The following GPR137 variants were observed in gnomAD, a reference collection of about 807,000 sequenced individuals.
GPR137 encodes G protein-coupled receptor 137.
In GPR137, 20 loss-of-function variants were observed where a neutral mutation model predicts 38.9. That is an observed-to-expected ratio of 0.51 (90% CI 0.36 to 0.75). The LOEUF is 0.75. Among genes scored for constraint, GPR137 ranks in the 30% least tolerant of loss-of-function variants. The pLI, the probability that GPR137 is intolerant of heterozygous loss-of-function variation, is 0.00. For missense variants in GPR137, 456 were observed against 526.4 expected (o/e 0.87, Z 1.31); for synonymous variants, 226 against 235.8 (o/e 0.96, Z 0.38).
chr11:64,280,188 C>A (rs376564586), upstream of GPR137, among the ~76,000 whole-genome samples: 103 of 150,342 alleles, frequency 6.9e-4, no homozygotes, highest in African/African-American at 2.5e-3. Flanking sequence ...GGCATGGTGG[C>A]GGGAGGCTGT....
At chr11:64,280,157 A>C (rs1185255767), upstream of GPR137, among the ~76,000 whole-genome samples, 2 of 150,646 alleles carry the variant, frequency 1.3e-5, no homozygotes, top group Non-Finnish European at 3.0e-5. Context: ...CTCTACTAAA[A>C]ACACACAAAA....
Position 64,288,979 on chromosome 11 carries a change from C to T in GPR137, c.1032-58C>T. The T allele has an allele frequency of 6.8e-7, 1 of 1,469,144 alleles. No homozygotes were observed. Among genetic ancestry groups the T allele is most frequent in the South Asian group, 1.4e-5 (1 of 72,956 alleles). The allele number at this position is 1,469,144 out of a possible 1,614,324, so 91.0% of individuals were successfully genotyped here. Reference sequence around the variant, plus strand: ...TTCTAAGCCTGTCTTCCTCCTGCAGCTCTTGTGACTGTGGCCCTGGTCACT... The same window carrying T: ...TTCTAAGCCTGTCTTCCTCCTGCAGTTCTTGTGACTGTGGCCCTGGTCACT... On this transcript the variant is annotated intron_variant, in intron 6 of 6. Coordinates refer to ENST00000438980, the MANE Select transcript of GPR137 (RefSeq NM_001170880.2). The surrounding 1 kb of genome is among the most constrained non-coding windows in gnomAD (Gnocchi z 5.5).
intron 2 of GPR137, among the ~76,000 whole-genome samples, chr11:64,276,579 G>T (rs1186622404): frequency 6.6e-6 from 1 of 152,134 alleles, no homozygotes; most frequent in Non-Finnish European, 1.5e-5. Context: ...CAAGTGCCTC[G>T]GCCCCCCAAA....
In GPR137 at chr11:64,286,717, C is replaced by G. The variant is rs1341595341; in HGVS notation, c.193C>G (p.Leu65Val). The stretch of plus-strand genomic sequence containing the variant: ...CAGCTATCAGACGGTGTTCCTGGCC[C>G]TCTGTCTGCTCTGGGCCGCCTTGCG... ...RLSYQTVFLA[L>V]CLLWAALRTT... is the part of the protein sequence containing the mutation. The change falls in exon 1 of 7, where the codon CTC becomes GTC. Residue 65 changes from leucine (L) to valine (V), a missense_variant. By Grantham distance (32) the Leu-to-Val change is conservative (BLOSUM62 1). Transcript: ENST00000438980. 5 of 1,613,674 alleles carry G rather than the reference C, an allele frequency of 3.1e-6. No individual in the cohort carries two copies. Among genetic ancestry groups the G allele is most frequent in the Non-Finnish European group, 4.2e-6 (5 of 1,179,818 alleles).
At chr11:64,287,082 C>T in intron 2 of GPR137, 68 bp downstream of exon 2, 2 of 1,565,524 alleles carry the variant, frequency 1.3e-6, no homozygotes, top group Non-Finnish European at 1.7e-6. Context: ...CATGTAGATC[C>T]CTTCCCACCT....
chr11:64,273,598 G>A (rs2032805189), upstream of GPR137, among the ~76,000 whole-genome samples: 2 of 149,904 alleles, frequency 1.3e-5, no homozygotes, highest in South Asian at 4.2e-4. Flanking sequence ...AGCAGGTGGG[G>A]GGCTGGGCGC....
rs139944159 is a variant in GPR137 at position 64,289,134 on chromosome 11, T to G, written c.1129T>G (p.Phe377Val). 3 of 1,613,686 alleles carry G rather than the reference T, an allele frequency of 1.9e-6. No individual in the cohort carries two copies. The highest frequency in any genetic ancestry group is 2.7e-5 in the African/African-American group (2 of 75,018). Reference sequence around the variant, plus strand: ...CCAGACGAAGACCACTCCTCTGCTCTTCTCCCAGGTGCCAGGACCAGGCGG... The same window carrying G: ...CCAGACGAAGACCACTCCTCTGCTCGTCTCCCAGGTGCCAGGACCAGGCGG... Reference protein sequence around the residue: ...GSQTKTTPLLFSQVPGPGGHH... With the variant: ...GSQTKTTPLLVSQVPGPGGHH... Residue 377 changes from phenylalanine (F) to valine (V), a missense_variant, in exon 7 of 7, where the codon TTC becomes GTC. Phe to Val is a conservative substitution (Grantham distance 50, BLOSUM62 -1). Transcript: ENST00000438980.
chr11:64,271,513 G>A (rs2032603791), upstream of GPR137: 9 of 1,230,884 alleles, frequency 7.3e-6, no homozygotes, highest in South Asian at 1.7e-4. Flanking sequence ...GAGGGGTCGT[G>A]GGACTCCAGA....
chr11:64,285,023 C>T, upstream of GPR137: 4 of 1,194,804 alleles, frequency 3.3e-6, no homozygotes, highest in Non-Finnish European at 4.3e-6. Flanking sequence ...GTGACAGCTC[C>T]CCCGGGAGCC....
At chr11:64,279,762 C>CAA (rs35718358), upstream of GPR137, among the ~76,000 whole-genome samples, 302 of 103,608 alleles carry the variant, frequency 2.9e-3, no homozygotes, top group Middle Eastern at 5.4e-3. Flanking sequence ...GACTCTATCT[C>CAA]AAAAAAAAAA....
At chr11:64,272,116 C>G (rs754984748), upstream of GPR137, among the ~76,000 whole-genome samples, 1 of 152,148 alleles carries the variant, frequency 6.6e-6, no homozygotes, top group African/African-American at 2.4e-5. Context: ...GTCAGGAGAT[C>G]GAGACCATCC....
At position 64,276,909 on chromosome 11, in the gene GPR137, G is replaced by A. The variant is rs755515764; in HGVS notation, c.-16+488G>A. The A allele has an allele frequency of 5.3e-6, 4 of 761,412 alleles. No individual in the cohort carries two copies. The South Asian group carries it at 5.6e-5, about 11-fold the overall frequency. The allele number at this position is 761,412 out of a possible 1,614,324, so 47.2% of individuals were successfully genotyped here. A position where few individuals can be genotyped will look rare whatever the true frequency, so the allele number is the denominator to read the frequency against. On this transcript the variant is annotated intron_variant, in intron 2 of 2. Transcript: ENST00000538244. ...CCCAGGCCCCAGCATGGCACCTCTA[G>A]CTTTACATTCTCTGCGTGTTGGGCT...
chr11:64,282,564 G>A (rs1012438220), upstream of GPR137, among the ~76,000 whole-genome samples: 10 of 151,582 alleles, frequency 6.6e-5, no homozygotes, highest in Middle Eastern at 6.9e-3. Context: ...AGGAGACCCC[G>A]CCCCTGCCCT....
chr11:64,275,314 C>T (rs1473907161), upstream of GPR137, among the ~76,000 whole-genome samples: 1 of 152,212 alleles, frequency 6.6e-6, no homozygotes, highest in African/African-American at 2.4e-5. Context: ...ACTGACGGAA[C>T]AGGCCTGTCT....
chr11:64,285,720 C>T (rs1467886718), upstream of GPR137: 6 of 985,332 alleles, frequency 6.1e-6, no homozygotes, highest in Non-Finnish European at 7.2e-6. Context: ...CGCCCGCCAG[C>T]GGCGCAGCTC....
chr11:64,273,855 CA>C (rs34577596), upstream of GPR137, among the ~76,000 whole-genome samples: 1,230 of 54,698 alleles, frequency 0.022, 7 homozygotes, highest in African/African-American at 0.08. Flanking sequence ...GCACCCATCT[CA>C]AAAAAAAAAA....
At chr11:64,284,939 C>T (rs2033788225), upstream of GPR137, 4 of 1,403,752 alleles carry the variant, frequency 2.8e-6, no homozygotes, top group Non-Finnish European at 3.7e-6. Context: ...CCATTTGGAA[C>T]CTGGAGACCC....
chr11:64,275,172 G>C, upstream of GPR137, among the ~76,000 whole-genome samples: 1 of 151,546 alleles, frequency 6.6e-6, no homozygotes, highest in African/African-American at 2.4e-5. Flanking sequence ...GTGGCAGTGG[G>C]GAGAGGCATA....
Position 64,286,309 on chromosome 11 carries a change from CT to C in GPR137, c.-215del. 1 of 1,403,336 alleles carries C rather than the reference CT, an allele frequency of 7.1e-7. No homozygotes were observed. The highest frequency in any genetic ancestry group is 1.4e-5 in the African/African-American group (1 of 69,238). The allele number at this position is 1,403,336 out of a possible 1,614,324, so 86.9% of individuals were successfully genotyped here. A position where few individuals can be genotyped will look rare whatever the true frequency, so the allele number is the denominator to read the frequency against. Reference sequence around the variant, plus strand: ...GAAAAGAGACTGCCCTTCCATGCCCCTGAGTGAGGGGCCTGGGGCCCAGGCT... The same window carrying C: ...GAAAAGAGACTGCCCTTCCATGCCCCGAGTGAGGGGCCTGGGGCCCAGGCT... On this transcript the variant is annotated 5_prime_UTR_variant, in exon 1 of 7. An upstream open reading frame in the 5' UTR loses its in-frame stop. Coordinates refer to ENST00000438980, the MANE Select transcript of GPR137 (RefSeq NM_001170880.2).
Sources: gnomAD v4.1 joint callset for allele counts (sites outside exome capture counted in the v4.1 genomes callset) on GRCh38, gnomAD v4.1.1 for gene constraint, Gnocchi (gnomAD v3.1) non-coding constraint, MANE v1.5 for transcripts, NCBI Gene and HGNC (gene_info 2026-07-23, HGNC 2026-07-21) for gene names.